Variants in CDH18 observed in about 807,000 individuals in gnomAD.
CDH18 encodes the protein cadherin 18, also known as cadherin-18.
In CDH18, 31 loss-of-function variants were observed where a neutral mutation model predicts 67.9. That is an observed-to-expected ratio of 0.46 (90% CI 0.34 to 0.62). The LOEUF (loss-of-function observed/expected upper bound fraction) is 0.62, where lower values mean the gene tolerates loss of function less well. Ranked by LOEUF, CDH18 falls within the 20% of genes least tolerant of loss-of-function variation. CDH18 has a pLI of 0.01. For missense variants in CDH18, 890 were observed against 975.5 expected (o/e 0.91, Z 1.17); for synonymous variants, 362 against 347.2 (o/e 1.04, Z -0.48).
At chr5:19,727,704 C>T (rs1767025784) in intron 4 of CDH18, among the ~76,000 whole-genome samples, 1 of 133,232 alleles carries the variant, frequency 7.5e-6, no homozygotes, top group South Asian at 2.9e-4. Flanking sequence ...CTGGGCAAAA[C>T]TATGAAGTTA....
intron 1 of CDH18, among the ~76,000 whole-genome samples, chr5:20,554,218 G>C (rs904515617): frequency 3.9e-5 from 6 of 152,108 alleles, no homozygotes; most frequent in African/African-American, 1.4e-4. Flanking sequence ...GTTGAAGCTC[G>C]AATGTGTGGC....
intron 2 of CDH18, among the ~76,000 whole-genome samples, chr5:20,057,701 T>C (rs1742113434): frequency 6.6e-6 from 1 of 152,138 alleles, no homozygotes; most frequent in Admixed American, 6.5e-5. Flanking sequence ...AGAAGTCAAC[T>C]GCAGTTTCTA....
At chr5:20,188,160 T>C (rs1459294076) in intron 2 of CDH18, among the ~76,000 whole-genome samples, 1 of 151,992 alleles carries the variant, frequency 6.6e-6, no homozygotes, top group South Asian at 2.1e-4. Context: ...TTAAATCATA[T>C]ATACAATTTT....
At chr5:20,437,525 A>AT (rs1052878456) in intron 1 of CDH18, among the ~76,000 whole-genome samples, 1 of 150,908 alleles carries the variant, frequency 6.6e-6, no homozygotes, top group Non-Finnish European at 1.5e-5. Context: ...TCTTCCTGGT[A>AT]TTTTTTTTAT....
At chr5:20,246,458 C>A (rs1470171173) in intron 2 of CDH18, among the ~76,000 whole-genome samples, 2 of 152,076 alleles carry the variant, frequency 1.3e-5, no homozygotes, top group African/African-American at 4.8e-5. Flanking sequence ...AGAATTTAAT[C>A]AAAGGTATAA....
chr5:20,389,323 T>G (rs1448516263), intron 1 of CDH18, among the ~76,000 whole-genome samples: 1 of 152,210 alleles, frequency 6.6e-6, no homozygotes, highest in Non-Finnish European at 1.5e-5. Context: ...TCTTTGTCTC[T>G]TTTGATCTTT....
intron 1 of CDH18, among the ~76,000 whole-genome samples, chr5:20,299,403 TACACACACACAC>T (rs56003449): frequency 0.023 from 3,259 of 138,734 alleles, 109 homozygotes; most frequent in African/African-American, 0.072. Context: ...CAACATTAGC[TACACACACACAC>T]ACACACACAC....
At chr5:19,614,479 A>G (rs1360853381) in intron 5 of CDH18, among the ~76,000 whole-genome samples, 1 of 152,066 alleles carries the variant, frequency 6.6e-6, no homozygotes, top group Non-Finnish European at 1.5e-5. Context: ...CGATAATTAC[A>G]TTAGTAGGAA....
intron 7 of CDH18, among the ~76,000 whole-genome samples, chr5:19,582,944 A>G (rs753649831): frequency 2.0e-4 from 30 of 151,990 alleles, no homozygotes; most frequent in Non-Finnish European, 2.7e-4. Flanking sequence ...GTATGGTTGT[A>G]GCGGAACATA....
intron 2 of CDH18, among the ~76,000 whole-genome samples, chr5:20,122,829 CAT>C (rs929477856): frequency 3.5e-5 from 5 of 143,812 alleles, no homozygotes; most frequent in Admixed American, 7.0e-5. Flanking sequence ...TATATATATA[CAT>C]ATATATATAT....
chr5:20,491,837 T>C (rs1224267384), intron 1 of CDH18, among the ~76,000 whole-genome samples: 2 of 152,182 alleles, frequency 1.3e-5, no homozygotes, highest in East Asian at 3.9e-4. Flanking sequence ...CTAGCCACAA[T>C]GACACATAAA....
At chr5:19,545,875 C>T (rs112570143) in intron 8 of CDH18, among the ~76,000 whole-genome samples, 1 of 152,060 alleles carries the variant, frequency 6.6e-6, no homozygotes, top group African/African-American at 2.4e-5. Flanking sequence ...CAGCATAAAG[C>T]TAAGGTAATG....
At chr5:20,069,061 C>T (rs183103988) in intron 2 of CDH18, among the ~76,000 whole-genome samples, 307 of 152,154 alleles carry the variant, frequency 2.0e-3, no homozygotes, top group Admixed American at 3.8e-3. Flanking sequence ...AGGAGTTTTC[C>T]CTTCTTTTTC....
At chr5:19,960,583 G>A (rs1161524665) in intron 2 of CDH18, among the ~76,000 whole-genome samples, 4,993 of 124,270 alleles carry the variant, frequency 0.04, 560 homozygotes, top group African/African-American at 0.2. Flanking sequence ...GTGTGTGTGT[G>A]TGTGTGTATA....
At chr5:19,775,382 T>C (rs1368672458) in intron 3 of CDH18, among the ~76,000 whole-genome samples, 4 of 152,330 alleles carry the variant, frequency 2.6e-5, no homozygotes, top group Admixed American at 1.3e-4. Flanking sequence ...CCACAGGCTG[T>C]ACAGGAAGCA....
At chr5:20,561,901 G>A (rs751534535) in intron 1 of CDH18, among the ~76,000 whole-genome samples, 1 of 151,648 alleles carries the variant, frequency 6.6e-6, no homozygotes, top group Non-Finnish European at 1.5e-5. Flanking sequence ...ATTCCAAAAA[G>A]TTCAAAACAA....
Position 19,688,505 on chromosome 5 carries a change from G to A in CDH18, c.643+32842C>T, listed in dbSNP as rs77850524. Among the ~76,000 whole-genome samples the A allele has an allele frequency of 7.3e-3, 1,105 of 152,212 alleles. 6 individuals carry two copies. Among genetic ancestry groups the A allele is most frequent in the Non-Finnish European group, 0.011 (774 of 68,002 alleles). On this transcript the variant is annotated intron_variant, in intron 5 of 12. Transcript: ENST00000382275. ...CCCATAATCAAATTTAAAGTGCCCT[G>A]CTCAGCCAACAGCATAAATACATCT...
intron 2 of CDH18, among the ~76,000 whole-genome samples, chr5:20,065,899 TCA>T (rs2150516428): frequency 6.6e-6 from 1 of 152,126 alleles, no homozygotes; most frequent in African/African-American, 2.4e-5. Flanking sequence ...AAGGCAATCC[TCA>T]CAGTGTTTAA....
chr5:20,377,399 CATT>C (rs536069834), intron 1 of CDH18, among the ~76,000 whole-genome samples: 175 of 152,258 alleles, frequency 1.1e-3, no homozygotes, highest in Non-Finnish European at 1.4e-3. Context: ...AGAGAATCAT[CATT>C]GTTTGAATTG....
Sources: allele counts gnomAD v4.1 joint callset (sites outside exome capture counted in the v4.1 genomes callset), GRCh38; gene constraint gnomAD v4.1.1; transcripts MANE v1.5; gene names NCBI Gene and HGNC (gene_info 2026-07-23, HGNC 2026-07-21).